PITPNM3: variants seen among roughly 807,000 people sequenced by gnomAD.
PITPNM3 encodes the protein membrane-associated phosphatidylinositol transfer protein 3.
PITPNM3 carries 26 observed loss-of-function variants against 102.0 expected under a neutral mutation model. The ratio of observed to expected loss-of-function variants is 0.25; its 90% confidence interval spans 0.19 to 0.35. The LOEUF is 0.35. Ranked by LOEUF, PITPNM3 falls within the 10% of genes least tolerant of loss-of-function variation. The probability of loss-of-function intolerance (pLI) is 1.00; values close to 1 mark genes in which losing one functional copy is unlikely to be tolerated. For missense variants in PITPNM3, 1,083 were observed against 1,346.1 expected, an observed-to-expected ratio of 0.80 and a Z score of 3.06; for synonymous variants, 578 against 558.6, an observed-to-expected ratio of 1.03 and a Z score of -0.49.
chr17:6,541,129 C>G (rs181913862), intron 1 of PITPNM3, among the ~76,000 whole-genome samples: 91 of 152,268 alleles, frequency 6.0e-4, no homozygotes, highest in African/African-American at 2.1e-3. Context: ...ATCTCTTCCT[C>G]CAGCATGCAG....
At chr17:6,542,644 T>C (rs769375208) in intron 1 of PITPNM3, among the ~76,000 whole-genome samples, 8 of 152,148 alleles carry the variant, frequency 5.3e-5, no homozygotes, top group Non-Finnish European at 1.2e-4. Context: ...CTTACCCCAC[T>C]GTTAGGAGAT....
chr17:6,489,216 C>T (rs1011869969), intron 4 of PITPNM3, among the ~76,000 whole-genome samples: 2 of 152,200 alleles, frequency 1.3e-5, no homozygotes, highest in African/African-American at 4.8e-5. Context: ...GAGAGCATAG[C>T]TGTCTCCCTC....
chr17:6,500,809 G>A (rs1907123251), intron 4 of PITPNM3, among the ~76,000 whole-genome samples: 1 of 151,978 alleles, frequency 6.6e-6, no homozygotes, highest in Non-Finnish European at 1.5e-5. Flanking sequence ...CCCAGTAGCT[G>A]GGATTTCAAG....
chr17:6,458,223 C>T lies in PITPNM3; in HGVS notation c.2491-501G>A, dbSNP rs1914188482. ...TCAATTCAGAGAACTGCACAAGGTC[C>T]GTCTTGCTCCAGGGGCACTTCCAGA... On this transcript the variant is annotated intron_variant, in intron 18 of 19. Transcript: ENST00000262483. This position sits in a 1 kb window ranked among gnomAD's most constrained non-coding sequence, Gnocchi z 5.1. Among the ~76,000 whole-genome samples, 1 of 151,998 alleles carries T rather than the reference C, an allele frequency of 6.6e-6. No individual in the cohort carries two copies. The highest frequency in any genetic ancestry group is 1.5e-5 in the Non-Finnish European group (1 of 68,008).
intron 3 of PITPNM3, among the ~76,000 whole-genome samples, chr17:6,508,311 C>T (rs1432712700): frequency 6.6e-6 from 1 of 152,246 alleles, no homozygotes; most frequent in Non-Finnish European, 1.5e-5. Flanking sequence ...TGCTTTCTGG[C>T]TTGCCTAGTG....
rs67144965 is a variant in PITPNM3, at chr17:6,544,625, GTC to G, written c.23-6545_23-6544del. 1.9e-3 allele frequency among the ~76,000 whole-genome samples: 259 copies of G among 137,104 alleles called. 1 individual carries two copies. Among genetic ancestry groups the G allele is most frequent in the African/African-American group, 4.0e-3 (141 of 35,030 alleles). 89.9% of individuals were successfully genotyped at this position (137,104 alleles called of 152,430 possible). ...CAGGGCTGAGGCTCATTTGAATGGTGTCTCTCTCTCTCTCTCTCTCTCTCTCT... is the reference window on the plus strand; with the variant it reads ...CAGGGCTGAGGCTCATTTGAATGGTGTCTCTCTCTCTCTCTCTCTCTCTCT... On this transcript the variant is annotated intron_variant, in intron 1 of 19. Coordinates refer to ENST00000262483, the MANE Select transcript of PITPNM3 (RefSeq NM_031220.4).
Position 6,472,256 on chromosome 17 carries a change from C to G in PITPNM3, c.1429+401G>C, listed in dbSNP as rs9902980. Among the ~76,000 whole-genome samples the G allele has an allele frequency of 0.47, 71,788 of 151,956 alleles. 17,748 individuals carry two copies. Among genetic ancestry groups the G allele is most frequent in the Middle Eastern group, 0.62 (181 of 294 alleles). Reference sequence around the variant, plus strand: ...CCACCTGCCCAAATGCACCTCCCCTCTCTGGACCCTAATCAAAGGCCACCT... The same window carrying G: ...CCACCTGCCCAAATGCACCTCCCCTGTCTGGACCCTAATCAAAGGCCACCT... On this transcript the variant is annotated intron_variant, in intron 11 of 19. Coordinates refer to ENST00000262483, the MANE Select transcript of PITPNM3 (RefSeq NM_031220.4). The surrounding 1 kb of genome is among the most constrained non-coding windows in gnomAD (Gnocchi z 4.1).
rs1321965195 is a variant in PITPNM3, at chr17:6,470,474, G to T, written c.1625-66C>A. On this transcript the variant is annotated intron_variant, in intron 12 of 19. Transcript: ENST00000262483. The surrounding 1 kb of genome is among the most constrained non-coding windows in gnomAD (Gnocchi z 4.8). ...GGGGCCTCACCCGAGGGGCAGCGGG[G>T]TCTCCCATTGCACAGACTGGTGGTG... 6.2e-7 allele frequency: 1 copy of T among 1,604,986 alleles called. No individual in the cohort carries two copies. Among genetic ancestry groups the T allele is most frequent in the Non-Finnish European group, 8.5e-7 (1 of 1,173,316 alleles).
At chr17:6,483,032 C>T (rs547540490) in intron 6 of PITPNM3, among the ~76,000 whole-genome samples, 56 of 152,002 alleles carry the variant, frequency 3.7e-4, no homozygotes, top group African/African-American at 1.3e-3. Context: ...GCAAGCTCCG[C>T]CTCCTGGGTT....
chr17:6,464,257 A>C lies in PITPNM3; in HGVS notation c.2069T>G (p.Ile690Ser). The C allele has an allele frequency of 6.2e-7, 1 of 1,614,100 alleles. No individual in the cohort carries two copies. Among genetic ancestry groups the C allele is most frequent in the Non-Finnish European group, 8.5e-7 (1 of 1,180,010 alleles). Residue 690 changes from isoleucine (I) to serine (S), a missense_variant, in exon 16 of 20, where the codon ATC becomes AGC. Around this residue, in one of 5 missense-constraint regions of PITPNM3, gnomAD observed 410 missense variants for 638.4 expected, o/e 0.64. Transcript: ENST00000262483. ...TGTGATGCGACCACTGCTGTTGGTGATCTCTGTGTCCAGGTGTACCCAGCG... is the reference window on the plus strand; with the variant it reads ...TGTGATGCGACCACTGCTGTTGGTGCTCTCTGTGTCCAGGTGTACCCAGCG... ...SGRWVHLDTE[I>S]TNSSGRITYN...
Position 6,455,457 on chromosome 17 carries a change from C to T in PITPNM3, c.2806G>A (p.Ala936Thr), listed in dbSNP as rs530519461. The change falls in exon 20 of 20, where the codon GCC becomes ACC. Residue 936 changes from alanine (A) to threonine (T), a missense_variant. Ala to Thr is a moderately conservative substitution (Grantham distance 58, BLOSUM62 0). This residue lies in a region of PITPNM3 where 208 missense variants were observed against 178.2 expected (regional missense o/e 1.17). Coordinates refer to ENST00000262483, the MANE Select transcript of PITPNM3 (RefSeq NM_031220.4). The stretch of plus-strand genomic sequence containing the variant: ...GCCCGCTCGGGCTTGGGGTTGGCGG[C>T]GGGCGGGTCGGGCTGCTGCACTGAC... ...TMSVQQPDPP[A>T]ANPKPERAQS... 1.1e-5 allele frequency: 18 copies of T among 1,603,908 alleles called. No individual in the cohort carries two copies. The South Asian group carries it at 1.8e-4, about 16-fold the overall frequency.
chr17:6,524,923 A>C lies in PITPNM3; in HGVS notation c.226+433T>G, dbSNP rs76427234. Among the ~76,000 whole-genome samples, 233 of 151,836 alleles carry C rather than the reference A, an allele frequency of 1.5e-3. 4 individuals carry two copies. In the East Asian group the frequency reaches 0.036, roughly 23 times the overall value. On this transcript the variant is annotated intron_variant, in intron 3 of 19. Transcript: ENST00000262483. ...CCAGCCATATACTCCTTCTTCAACA[A>C]CTCCACCAAAGGAAATCCTGATTCT...
Position 6,478,847 on chromosome 17 carries a change from G to T in PITPNM3, c.588-111C>A. 1 of 1,099,662 alleles carries T rather than the reference G, an allele frequency of 9.1e-7. No homozygotes were observed. The highest frequency in any genetic ancestry group is 1.3e-6 in the Non-Finnish European group (1 of 781,948). 68.1% of individuals were successfully genotyped at this position (1,099,662 alleles called of 1,614,324 possible). A position where few individuals can be genotyped will look rare whatever the true frequency, so the allele number is the denominator to read the frequency against. ...ATACTGGCCAGGAATTGGGCTCCAG[G>T]GACCCTTCAGGAAGACCCAGGCAGG... On this transcript the variant is annotated intron_variant, in intron 6 of 19. Transcript: ENST00000262483. This position sits in a 1 kb window ranked among gnomAD's most constrained non-coding sequence, Gnocchi z 4.4.
intron 9 of PITPNM3, among the ~76,000 whole-genome samples, chr17:6,476,479 C>T (rs541719953): frequency 6.6e-6 from 1 of 152,212 alleles, no homozygotes; most frequent in Non-Finnish European, 1.5e-5. Flanking sequence ...GCAAACAGTT[C>T]TGTAGAGGAG....
chr17:6,455,511 G>A lies in PITPNM3; in HGVS notation c.2752C>T (p.Arg918Trp). Residue 918 changes from arginine to tryptophan, a missense_variant, in exon 20 of 20, where the codon CGG (arginine) becomes TGG (tryptophan). Physicochemically the swap from Arg to Trp is moderately radical, Grantham distance 101. This residue lies in a region of PITPNM3 where 208 missense variants were observed against 178.2 expected (regional missense o/e 1.17). Transcript: ENST00000262483. ...GTTCTGCGCAGGTGGTTGCGCTTCCGCAGGAACTCTGGCTGCGCGTGCAGC... is the reference window on the plus strand; with the variant it reads ...GTTCTGCGCAGGTGGTTGCGCTTCCACAGGAACTCTGGCTGCGCGTGCAGC... ...FGLHAQPEFL[R>W]KRNHLRRTMS... The A allele has an allele frequency of 6.2e-7, 1 of 1,605,816 alleles. No homozygotes were observed. Among genetic ancestry groups the A allele is most frequent in the East Asian group, 2.2e-5 (1 of 44,628 alleles).
chr17:6,468,411 G>T lies in PITPNM3; in HGVS notation c.1774-70C>A. On this transcript the variant is annotated intron_variant, in intron 13 of 19. Transcript: ENST00000262483. This position sits in a 1 kb window ranked among gnomAD's most constrained non-coding sequence, Gnocchi z 5.2. ...TCTGCTTCCCTCCCAGGGTGTCAGT[G>T]CCCACCAGCTTGTGGCCAGCTGGGC... 1 of 1,502,254 alleles carries T rather than the reference G, an allele frequency of 6.7e-7. No individual in the cohort carries two copies. The highest frequency in any genetic ancestry group is 9.3e-7 in the Non-Finnish European group (1 of 1,080,198). 93.1% of individuals were successfully genotyped at this position (1,502,254 alleles called of 1,614,324 possible).
In PITPNM3 at chr17:6,538,064, C is replaced by G. The variant is rs1355271895; in HGVS notation, c.41G>C (p.Gly14Ala). 2 of 1,612,044 alleles carry G rather than the reference C, an allele frequency of 1.2e-6. No individual in the cohort carries two copies. Among genetic ancestry groups the G allele is most frequent in the Non-Finnish European group, 1.7e-6 (2 of 1,178,318 alleles). Residue 14 changes from glycine (G) to alanine (A), a missense_variant, in exon 2 of 20, where the codon GGC (glycine) becomes GCC (alanine). By Grantham distance (60) the Gly-to-Ala change is moderately conservative. Transcript: ENST00000262483. ...AGRAGGPPPG[G>A]GAPWHLRNVL... ...ATTTCGAAGGTGCCAGGGGGCACCG[C>G]CGCCCGGGGGAGGACCACCTGTTAA...
At chr17:6,486,719 G>A (rs1906118823) in intron 4 of PITPNM3, among the ~76,000 whole-genome samples, 1 of 152,154 alleles carries the variant, frequency 6.6e-6, no homozygotes, top group African/African-American at 2.4e-5. Flanking sequence ...CCTTGCCTTG[G>A]GCTTGGCTAG....
Position 6,464,241 on chromosome 17 carries a change from A to C in PITPNM3, c.2085T>G (p.Gly695=). Residue 695 remains glycine (G), a synonymous_variant, in exon 16 of 20, where the codon GGT becomes GGG. Coordinates refer to ENST00000262483, the MANE Select transcript of PITPNM3 (RefSeq NM_031220.4). ...HLDTEITNSS[G]RITYNVPRPR... is the part of the protein sequence containing the mutation. ...GCCGCGGCACATTGTATGTGATGCG[A>C]CCACTGCTGTTGGTGATCTCTGTGT... The C allele has an allele frequency of 6.2e-7, 1 of 1,614,142 alleles. No homozygotes were observed. The highest frequency in any genetic ancestry group is 8.5e-7 in the Non-Finnish European group (1 of 1,180,006).
Sources: allele counts gnomAD v4.1 joint callset (sites outside exome capture counted in the v4.1 genomes callset), GRCh38; gene constraint gnomAD v4.1.1; regional missense constraint gnomAD v4.1.1; non-coding constraint Gnocchi (gnomAD v3.1); transcripts MANE v1.5; gene names NCBI Gene and HGNC (gene_info 2026-07-23, HGNC 2026-07-21).